Variants in AGBL2 observed in about 807,000 individuals in gnomAD.
The protein encoded by AGBL2 is cytosolic carboxypeptidase 2.
A neutral mutation model predicts 103.0 loss-of-function variants in AGBL2; 87 were observed. The observed-to-expected ratio is 0.84, with a 90% confidence interval of 0.71 to 1.01. The LOEUF is 1.01. Among genes scored for constraint, AGBL2 ranks in the 50% least tolerant of loss-of-function variants. AGBL2 has a pLI of 0.00. For missense variants in AGBL2, 904 were observed against 1,023.5 expected (o/e 0.88, Z 1.59); for synonymous variants, 335 against 356.7 (o/e 0.94, Z 0.69).
At chr11:47,699,631 T>A (rs558468209) in intron 7 of AGBL2, 78 bp from the exon 8 acceptor site, 24 of 761,390 alleles carry the variant, frequency 3.2e-5, no homozygotes, top group Non-Finnish European at 3.8e-5. Context: ...AAAATAATAA[T>A]AATAATTTTT....
At chr11:47,695,136 C>G (rs907113866) in intron 8 of AGBL2, among the ~76,000 whole-genome samples, 4 of 149,670 alleles carry the variant, frequency 2.7e-5, no homozygotes, top group African/African-American at 7.4e-5. Flanking sequence ...GGCAACAGAC[C>G]GAGACTCCGT....
intron 9 of AGBL2, among the ~76,000 whole-genome samples, chr11:47,691,725 AAAAAATATATAT>A (rs1300012289): frequency 3.8e-4 from 2 of 5,316 alleles, no homozygotes; most frequent in African/African-American, 9.3e-4. Flanking sequence ...AAAAAAAAAA[AAAAAATATATAT>A]ATATATATAT....
At chr11:47,708,218 C>T (rs12785949) in intron 4 of AGBL2, among the ~76,000 whole-genome samples, 52,450 of 151,656 alleles carry the variant, frequency 0.35, 10,504 homozygotes, top group South Asian at 0.52. Flanking sequence ...CAGGTGGGCA[C>T]CATCACGTTG....
intron 14 of AGBL2, among the ~76,000 whole-genome samples, chr11:47,675,137 G>A (rs540124104): frequency 7.2e-4 from 107 of 149,338 alleles, no homozygotes; most frequent in African/African-American, 2.2e-3. Context: ...GTATTATCCA[G>A]CTCAAACCTC....
chr11:47,706,192 C>A (rs758764888), intron 4 of AGBL2, among the ~76,000 whole-genome samples: 2 of 152,104 alleles, frequency 1.3e-5, no homozygotes, highest in Non-Finnish European at 2.9e-5. Context: ...GAGGCCAAGG[C>A]GGGCGGATTA....
In AGBL2 at chr11:47,705,804, G is replaced by A. The variant is rs2097516468; in HGVS notation, c.286+60C>T. 6 of 1,446,132 alleles carry A rather than the reference G, an allele frequency of 4.1e-6. No individual in the cohort carries two copies. The Admixed American group carries it at 1.0e-4, about 24-fold the overall frequency. The allele number at this position is 1,446,132 out of a possible 1,614,324, so 89.6% of individuals were successfully genotyped here. ...CTTAGGTCTGGTGGGAACAGCAGGT[G>A]ATGAAGACATAGTCCAAAAAAGGAG... On this transcript the variant is annotated intron_variant, in intron 5 of 18. Transcript: ENST00000525123.
At chr11:47,707,747 A>T (rs942636411) in intron 4 of AGBL2, among the ~76,000 whole-genome samples, 2 of 152,214 alleles carry the variant, frequency 1.3e-5, no homozygotes, top group Admixed American at 6.6e-5. Flanking sequence ...TACACTACGT[A>T]TAAGTTTCTT....
At chr11:47,674,154 G>C (rs189679688) in intron 14 of AGBL2, among the ~76,000 whole-genome samples, 1 of 152,126 alleles carries the variant, frequency 6.6e-6, no homozygotes. Flanking sequence ...AATGACAGAG[G>C]CAATAAATGC....
chr11:47,680,113 T>C (rs769694434), intron 12 of AGBL2, 40 bp from the exon 13 acceptor site: 1 of 1,191,230 alleles, frequency 8.4e-7, no homozygotes. Context: ...TCCAATTAAA[T>C]CTTAGTGACT....
chr11:47,696,788 T>A (rs2153804665), intron 8 of AGBL2, among the ~76,000 whole-genome samples: 1 of 152,282 alleles, frequency 6.6e-6, no homozygotes, highest in African/African-American at 2.4e-5. Context: ...TCATTTCTGA[T>A]TTTGATAATT....
At chr11:47,695,475 CAAAAAA>C (rs56047450) in intron 8 of AGBL2, among the ~76,000 whole-genome samples, 2 of 76,194 alleles carry the variant, frequency 2.6e-5, no homozygotes, top group South Asian at 1.0e-3. Context: ...AACTCTGTCT[CAAAAAA>C]AAAAAAAAAA....
chr11:47,669,737 G>A (rs1158561159), intron 14 of AGBL2, among the ~76,000 whole-genome samples: 2 of 151,646 alleles, frequency 1.3e-5, no homozygotes, highest in Admixed American at 6.6e-5. Flanking sequence ...TCAACGTCTC[G>A]AGTAGCTGGA....
chr11:47,711,770 G>A (rs2097537024), intron 3 of AGBL2, among the ~76,000 whole-genome samples: 1 of 152,080 alleles, frequency 6.6e-6, no homozygotes, highest in South Asian at 2.1e-4. Flanking sequence ...CCTGACCTCA[G>A]GTGATCTGCC....
At chr11:47,673,603 C>G (rs1293543164) in intron 14 of AGBL2, among the ~76,000 whole-genome samples, 1 of 149,184 alleles carries the variant, frequency 6.7e-6, no homozygotes, top group Non-Finnish European at 1.5e-5. Flanking sequence ...CCAGCCTGGG[C>G]AACAAGAGCG....
At chr11:47,681,569 G>A (rs1339989749) in intron 12 of AGBL2, among the ~76,000 whole-genome samples, 5 of 152,110 alleles carry the variant, frequency 3.3e-5, no homozygotes, top group Non-Finnish European at 7.4e-5. Context: ...CCGGGTTCAA[G>A]CGATTCTCCT....
intron 8 of AGBL2, among the ~76,000 whole-genome samples, chr11:47,696,905 T>A (rs1053466136): frequency 2.0e-5 from 3 of 152,094 alleles, no homozygotes; most frequent in African/African-American, 7.2e-5. Context: ...TGTCTTCTAT[T>A]CAATGCTTTC....
At chr11:47,712,470 T>A (rs1033786947) in intron 3 of AGBL2, among the ~76,000 whole-genome samples, 30 of 152,216 alleles carry the variant, frequency 2.0e-4, no homozygotes, top group Admixed American at 1.7e-3. Flanking sequence ...AAACTATAAA[T>A]CTTTATTGGG....
Position 47,663,026 on chromosome 11 carries a change from C to A in AGBL2, c.2535G>T (p.Gln845His), listed in dbSNP as rs1443831552. 1.9e-6 allele frequency: 3 copies of A among 1,606,086 alleles called. No homozygotes were observed. Among genetic ancestry groups the A allele is most frequent in the Non-Finnish European group, 1.7e-6 (2 of 1,175,172 alleles). Residue 845 changes from glutamine (Q) to histidine (H), a missense_variant and splice_region_variant, in exon 18 of 19, where the codon CAG (glutamine) becomes CAT (histidine). Physicochemically the swap from Gln to His is conservative, Grantham distance 24 (BLOSUM62 0). Transcript: ENST00000525123. ...LILPKNKGRM[Q>H]NKKPGFTVSC... ...ATATACAGTATATTAGGTGAAGTAC[C>A]TGCATTCTCCCTTTATTCTTAGGCA...
At chr11:47,681,690 C>T (rs2097401901) in intron 12 of AGBL2, among the ~76,000 whole-genome samples, 1 of 152,218 alleles carries the variant, frequency 6.6e-6, no homozygotes, top group South Asian at 2.1e-4. Flanking sequence ...GATCTCCTGA[C>T]CTCGTGATCT....
Sources: gnomAD v4.1 joint callset for allele counts (sites outside exome capture counted in the v4.1 genomes callset) on GRCh38, gnomAD v4.1.1 for gene constraint, MANE v1.5 for transcripts, NCBI Gene and HGNC (gene_info 2026-07-23, HGNC 2026-07-21) for gene names.